Variants in DOCK2 observed in about 807,000 individuals in gnomAD.
DOCK2 encodes the protein dedicator of cytokinesis protein 2.
Under a neutral mutation model 248.9 loss-of-function variants are expected in DOCK2, and 87 were observed. The observed-to-expected ratio is 0.35, with a 90% CI of 0.29 to 0.42. The LOEUF (loss-of-function observed/expected upper bound fraction) is 0.42, where lower values mean the gene tolerates loss of function less well. Ranked by LOEUF, DOCK2 falls within the 10% of genes least tolerant of loss-of-function variation. The pLI is 1.00. For synonymous variants in DOCK2, 805 were observed against 821.6 expected, an observed-to-expected ratio of 0.98 and a Z score of 0.35; for missense variants, 1,747 against 2,300.2, an observed-to-expected ratio of 0.76 and a Z score of 4.92.
Position 170,034,455 on chromosome 5 carries a change from T to G in DOCK2, c.3524T>G (p.Val1175Gly). Residue 1175 changes from valine to glycine, a missense_variant, in exon 35 of 52, where the codon GTG (valine) becomes GGG (glycine). Val to Gly is a moderately radical substitution (Grantham distance 109). Transcript: ENST00000520908. ...PTIAKSVENFVNLVKGLLEKL... is the reference protein window; with the variant it reads ...PTIAKSVENFGNLVKGLLEKL... ...ATTGCCAAGTCGGTGGAGAACTTCG[T>G]GAACCTGGTCAAAGGCCTCCTGGAG... is the stretch of plus-strand genomic sequence containing the variant. 2 of 1,614,138 alleles carry G rather than the reference T, an allele frequency of 1.2e-6. No homozygotes were observed. The highest frequency in any genetic ancestry group is 1.7e-6 in the Non-Finnish European group (2 of 1,180,016).
intron 11 of DOCK2, among the ~76,000 whole-genome samples, chr5:169,698,957 C>G (rs1760798711): frequency 6.6e-6 from 1 of 152,122 alleles, no homozygotes; most frequent in Non-Finnish European, 1.5e-5. Flanking sequence ...TCTCCTGTTC[C>G]AAAAGGAGTC....
chr5:169,756,927 A>C (rs1186842497), intron 23 of DOCK2, among the ~76,000 whole-genome samples: 3 of 134,324 alleles, frequency 2.2e-5, no homozygotes, highest in Non-Finnish European at 4.7e-5. Flanking sequence ...CTCTGTCTCA[A>C]AAAAAAAAAA....
intron 25 of DOCK2, among the ~76,000 whole-genome samples, chr5:169,767,949 T>G (rs1764883864): frequency 6.6e-6 from 1 of 152,338 alleles, no homozygotes; most frequent in East Asian, 1.9e-4. Context: ...CAAATTAATC[T>G]CCAAATCTCA....
intron 25 of DOCK2, among the ~76,000 whole-genome samples, chr5:169,774,324 C>G (rs1765258913): frequency 6.6e-6 from 1 of 152,162 alleles, no homozygotes; most frequent in Admixed American, 6.5e-5. Context: ...GATTTTGTGC[C>G]AGGCCCCAAA....
intron 26 of DOCK2, among the ~76,000 whole-genome samples, chr5:169,839,620 C>T (rs868864976): frequency 1.3e-4 from 20 of 152,292 alleles, no homozygotes; most frequent in Middle Eastern, 3.4e-3. Context: ...CAAAAAGGAT[C>T]GGCAAATCCT....
Position 170,070,891 on chromosome 5 carries a change from G to C in DOCK2, c.4728+1671G>C, listed in dbSNP as rs1302201928. On this transcript the variant is annotated intron_variant, in intron 46 of 51. Coordinates refer to ENST00000520908, the MANE Select transcript of DOCK2 (RefSeq NM_004946.3). ...TACTACTGTCTTGGAGCTTACTAGA[G>C]GGACATTACCAACAAAGCCGGAAGG... 2.0e-5 allele frequency among the ~76,000 whole-genome samples: 3 copies of C among 152,320 alleles called. No individual in the cohort carries two copies. In the South Asian group the frequency reaches 6.2e-4, roughly 32 times the overall value.
chr5:169,787,779 G>A (rs188692102), intron 25 of DOCK2, among the ~76,000 whole-genome samples: 248 of 133,608 alleles, frequency 1.9e-3, no homozygotes, highest in Non-Finnish European at 2.8e-3. Context: ...CTTTTTCTCC[G>A]TCTTTTTTTC....
chr5:170,054,483 T>C (rs1415698122), intron 41 of DOCK2, among the ~76,000 whole-genome samples: 1 of 152,212 alleles, frequency 6.6e-6, no homozygotes, highest in Non-Finnish European at 1.5e-5. Flanking sequence ...ACCCACATAG[T>C]GCTTTTCCAA....
Position 169,735,166 on chromosome 5 carries a change from A to G in DOCK2, c.2268-12230A>G, listed in dbSNP as rs183338732. The stretch of plus-strand genomic sequence containing the variant: ...AGATCACAGTACTCACCTTCTTAAA[A>G]TCCTCTTATTTCTTTTTATTCTTCT... On this transcript the variant is annotated intron_variant, in intron 22 of 51. Coordinates refer to ENST00000520908, the MANE Select transcript of DOCK2 (RefSeq NM_004946.3). 1.4e-3 allele frequency among the ~76,000 whole-genome samples: 218 copies of G among 152,248 alleles called. 1 individual carries two copies. In the Middle Eastern group the frequency reaches 0.017, roughly 12 times the overall value.
At chr5:169,685,629 T>G (rs768719168) in intron 8 of DOCK2, among the ~76,000 whole-genome samples, 1 of 152,240 alleles carries the variant, frequency 6.6e-6, no homozygotes, top group Non-Finnish European at 1.5e-5. Flanking sequence ...CTTGTTGTTA[T>G]GATGATTAAA....
intron 26 of DOCK2, among the ~76,000 whole-genome samples, chr5:169,819,669 T>C (rs1367748022): frequency 1.3e-5 from 2 of 152,074 alleles, no homozygotes; most frequent in Non-Finnish European, 2.9e-5. Flanking sequence ...TAGGAACAGC[T>C]CCAGTCTACA....
intron 30 of DOCK2, 68 bp downstream of exon 30, chr5:169,996,232 C>T (rs748065764): frequency 8.7e-6 from 13 of 1,495,320 alleles, no homozygotes; most frequent in African/African-American, 1.4e-5. Context: ...GGGCTGATTG[C>T]TCCATCAGAC....
intron 27 of DOCK2, among the ~76,000 whole-genome samples, chr5:169,926,201 G>A (rs1196110264): frequency 6.6e-6 from 1 of 152,190 alleles, no homozygotes; most frequent in African/African-American, 2.4e-5. Context: ...GGTAGACGCA[G>A]GCCCAGTGCC....
intron 1 of DOCK2, among the ~76,000 whole-genome samples, chr5:169,644,258 G>C (rs947738819): frequency 6.6e-6 from 1 of 152,290 alleles, no homozygotes; most frequent in African/African-American, 2.4e-5. Context: ...GAACATAGCA[G>C]TTTTATGGTG....
At chr5:169,771,366 C>T (rs1309593973) in intron 25 of DOCK2, among the ~76,000 whole-genome samples, 2 of 152,210 alleles carry the variant, frequency 1.3e-5, no homozygotes, top group African/African-American at 4.8e-5. Context: ...TCACTGCAAC[C>T]TCTGCCTCCC....
intron 25 of DOCK2, among the ~76,000 whole-genome samples, chr5:169,794,251 T>C (rs1482274746): frequency 2.0e-5 from 3 of 152,122 alleles, no homozygotes; most frequent in Admixed American, 2.0e-4. Context: ...TTACCTTTTG[T>C]GAGGCTTGCT....
intron 27 of DOCK2, among the ~76,000 whole-genome samples, chr5:169,944,382 C>G (rs1454083102): frequency 2.0e-5 from 3 of 152,198 alleles, no homozygotes; most frequent in African/African-American, 7.2e-5. Context: ...GAAGGATTAT[C>G]AAAAATAGAA....
At chr5:169,651,720 T>C (rs548634901) in intron 1 of DOCK2, among the ~76,000 whole-genome samples, 18 of 152,180 alleles carry the variant, frequency 1.2e-4, no homozygotes, top group Non-Finnish European at 2.2e-4. Context: ...AACAGCAGCC[T>C]ATGAGGGGAA....
intron 27 of DOCK2, among the ~76,000 whole-genome samples, chr5:169,939,147 G>A (rs992934013): frequency 4.0e-5 from 6 of 150,798 alleles, no homozygotes; most frequent in Non-Finnish European, 7.4e-5. Context: ...CTCGTGATCC[G>A]CCCACCTCAG....
Sources: allele counts gnomAD v4.1 joint callset (sites outside exome capture counted in the v4.1 genomes callset), GRCh38; gene constraint gnomAD v4.1.1; transcripts MANE v1.5; gene names NCBI Gene and HGNC (gene_info 2026-07-23, HGNC 2026-07-21).